Variants in ELMO1 observed in about 807,000 individuals in gnomAD.
The protein encoded by ELMO1 is engulfment and cell motility protein 1.
In ELMO1, 26 loss-of-function variants were observed where a neutral mutation model predicts 98.9. The observed-to-expected ratio is 0.26, with a 90% CI of 0.19 to 0.36. The LOEUF (loss-of-function observed/expected upper bound fraction) is 0.36, where lower values mean the gene tolerates loss of function less well. Among genes scored for constraint, ELMO1 ranks in the 10% least tolerant of loss-of-function variants. ELMO1 has a pLI of 1.00. For synonymous variants in ELMO1, 346 were observed against 346.0 expected, an observed-to-expected ratio of 1.00 and a Z score of 0.00; for missense variants, 627 against 935.2, an observed-to-expected ratio of 0.67 and a Z score of 4.30.
At chr7:37,346,634 A>G (rs950049624) in intron 1 of ELMO1, among the ~76,000 whole-genome samples, 2 of 152,258 alleles carry the variant, frequency 1.3e-5, no homozygotes, top group Admixed American at 1.3e-4. Context: ...ATATCCTAGC[A>G]TAAGAATTAA....
intron 16 of ELMO1, among the ~76,000 whole-genome samples, chr7:36,925,562 C>A (rs1033087829): frequency 9.2e-5 from 14 of 152,166 alleles, no homozygotes; most frequent in Admixed American, 3.9e-4. Context: ...CTATATTGCC[C>A]CCAACCCGTT....
At chr7:37,131,548 G>A (rs1347455021) in intron 14 of ELMO1, among the ~76,000 whole-genome samples, 1 of 152,160 alleles carries the variant, frequency 6.6e-6, no homozygotes, top group African/African-American at 2.4e-5. Context: ...TCAGTTAGTG[G>A]TAAATTCAAT....
At chr7:37,200,494 C>A (rs931505191) in intron 13 of ELMO1, among the ~76,000 whole-genome samples, 1 of 152,096 alleles carries the variant, frequency 6.6e-6, no homozygotes, top group Non-Finnish European at 1.5e-5. Flanking sequence ...CAGAGGCAAC[C>A]CTGAACATGT....
At chr7:37,219,310 C>T (rs1259774539) in intron 10 of ELMO1, among the ~76,000 whole-genome samples, 1 of 152,092 alleles carries the variant, frequency 6.6e-6, no homozygotes, top group East Asian at 1.9e-4. Context: ...TCAGTAACAG[C>T]AGAAATAAGG....
chr7:37,068,318 A>C (rs936674981), intron 15 of ELMO1, among the ~76,000 whole-genome samples: 2 of 152,212 alleles, frequency 1.3e-5, no homozygotes, highest in African/African-American at 4.8e-5. Context: ...GATATTCTTG[A>C]ACCCGCTCTA....
chr7:37,435,120 G>C (rs1319118926), intron 1 of ELMO1: 1 of 152,256 alleles, frequency 6.6e-6, no homozygotes, highest in African/African-American at 2.4e-5. Flanking sequence ...TTTCCGTTTG[G>C]TCCAAGTGCC....
chr7:37,391,959 C>T (rs2131423150), intron 1 of ELMO1, among the ~76,000 whole-genome samples: 1 of 152,284 alleles, frequency 6.6e-6, no homozygotes, highest in East Asian at 1.9e-4. Flanking sequence ...CTGTAATCTC[C>T]ACACACATGC....
intron 1 of ELMO1, among the ~76,000 whole-genome samples, chr7:37,416,223 T>C (rs770925116): frequency 6.6e-6 from 1 of 152,236 alleles, no homozygotes; most frequent in Non-Finnish European, 1.5e-5. Flanking sequence ...TTTTGTCAAC[T>C]GTCAGGAAAA....
chr7:37,183,348 T>C (rs1791001043), intron 13 of ELMO1, among the ~76,000 whole-genome samples: 1 of 152,224 alleles, frequency 6.6e-6, no homozygotes, highest in Non-Finnish European at 1.5e-5. Context: ...AATAACATTG[T>C]TTCAGTAATT....
chr7:36,972,878 T>C (rs10272225), intron 16 of ELMO1, among the ~76,000 whole-genome samples: 3,973 of 152,266 alleles, frequency 0.026, 184 homozygotes, highest in African/African-American at 0.091. Context: ...CCTCCCAGTT[T>C]CAAGCGATTC....
At chr7:36,919,942 C>A (rs1367686335) in intron 16 of ELMO1, among the ~76,000 whole-genome samples, 1 of 152,194 alleles carries the variant, frequency 6.6e-6, no homozygotes, top group Non-Finnish European at 1.5e-5. Flanking sequence ...CGACTGGGAA[C>A]GCCCTATGAG....
chr7:37,196,464 C>T (rs1791968966), intron 13 of ELMO1, among the ~76,000 whole-genome samples: 2 of 152,140 alleles, frequency 1.3e-5, no homozygotes. Context: ...TGTGCATGTT[C>T]CCTTAAGAAG....
intron 15 of ELMO1, among the ~76,000 whole-genome samples, chr7:37,031,161 C>G (rs1057470733): frequency 6.6e-6 from 1 of 152,118 alleles, no homozygotes; most frequent in African/African-American, 2.4e-5. Context: ...CTCCCAGTCT[C>G]GGGACAGATC....
chr7:37,125,146 T>C (rs1415261574), intron 14 of ELMO1, among the ~76,000 whole-genome samples: 1 of 152,144 alleles, frequency 6.6e-6, no homozygotes, highest in Non-Finnish European at 1.5e-5. Context: ...CAAGATGGAT[T>C]AAAGACTTAA....
chr7:37,432,960 C>T (rs917587402), intron 1 of ELMO1, among the ~76,000 whole-genome samples: 1 of 152,192 alleles, frequency 6.6e-6, no homozygotes, highest in Admixed American at 6.5e-5. Context: ...ATGTTGGTTT[C>T]TTCTTCTGTA....
intron 15 of ELMO1, among the ~76,000 whole-genome samples, chr7:37,073,039 A>G (rs1183485881): frequency 6.6e-6 from 1 of 152,252 alleles, no homozygotes; most frequent in East Asian, 1.9e-4. Flanking sequence ...GTAACTATAC[A>G]TACATGCCCA....
chr7:37,259,077 G>T, intron 6 of ELMO1, 104 bp downstream of exon 6: 2 of 1,330,440 alleles, frequency 1.5e-6, no homozygotes, highest in Non-Finnish European at 2.0e-6. Flanking sequence ...TCTAACCAAG[G>T]CTCTGGTCTT....
intron 1 of ELMO1, among the ~76,000 whole-genome samples, chr7:37,369,268 G>A (rs1802020327): frequency 6.6e-6 from 1 of 152,168 alleles, no homozygotes; most frequent in Non-Finnish European, 1.5e-5. Context: ...GGGACCAGAA[G>A]TGTTTCAGAT....
At chr7:36,941,637 T>C (rs999674137) in intron 16 of ELMO1, among the ~76,000 whole-genome samples, 1 of 152,248 alleles carries the variant, frequency 6.6e-6, no homozygotes, top group African/African-American at 2.4e-5. Flanking sequence ...CTTTGAGCAT[T>C]TGACATGGCA....
Sources: gnomAD v4.1 joint callset for allele counts (sites outside exome capture counted in the v4.1 genomes callset) on GRCh38, gnomAD v4.1.1 for gene constraint, MANE v1.5 for transcripts, NCBI Gene and HGNC (gene_info 2026-07-23, HGNC 2026-07-21) for gene names.